USP9X: variants seen among roughly 807,000 people sequenced by gnomAD.
USP9X encodes ubiquitin specific peptidase 9 X-linked.
A neutral mutation model predicts 190.3 loss-of-function variants in USP9X; 7 were observed. The observed-to-expected ratio is 0.04, with a 90% CI of 0.02 to 0.07. The LOEUF (loss-of-function observed/expected upper bound fraction) is 0.07, where lower values mean the gene tolerates loss of function less well. Ranked by LOEUF, USP9X falls within the 10% of genes least tolerant of loss-of-function variation. The pLI is 1.00. For missense variants in USP9X, 1,010 were observed against 1,916.9 expected, an observed-to-expected ratio of 0.53 and a Z score of 8.83; for synonymous variants, 645 against 659.5, an observed-to-expected ratio of 0.98 and a Z score of 0.34.
intron 1 of USP9X, among the ~76,000 whole-genome samples, chrX:41,122,251 C>T (rs758082161): frequency 1.8e-5 from 2 of 111,062 alleles, no homozygotes; most frequent in Non-Finnish European, 3.8e-5. Context: ...TTTGCTGCAT[C>T]TTTACGTGGT....
intron 41 of USP9X, among the ~76,000 whole-genome samples, chrX:41,227,436 T>G (rs1402166129): frequency 8.9e-6 from 1 of 112,185 alleles, no homozygotes; most frequent in African/African-American, 3.2e-5. Context: ...CTGAAATGAT[T>G]AAGCTTTGCA....
chrX:41,159,344 T>G (rs12841056), intron 14 of USP9X, among the ~76,000 whole-genome samples: 1 of 111,193 alleles, frequency 9.0e-6, no homozygotes. Context: ...ATAGTCCTTG[T>G]GGGATTGTAG....
intron 1 of USP9X, among the ~76,000 whole-genome samples, chrX:41,099,855 G>A (rs2062022652): frequency 9.0e-6 from 1 of 111,481 alleles, no homozygotes; most frequent in South Asian, 3.7e-4. Context: ...AAATTAGCTA[G>A]GCTTGGTGGC....
At chrX:41,122,455 CAGG>C (rs1333183547) in intron 1 of USP9X, among the ~76,000 whole-genome samples, 3 of 112,015 alleles carry the variant, frequency 2.7e-5, no homozygotes, top group Non-Finnish European at 3.8e-5. Context: ...GTTACTGAAA[CAGG>C]AGAGTTCCCT....
intron 21 of USP9X, among the ~76,000 whole-genome samples, chrX:41,179,454 A>C (rs1240996310): frequency 9.0e-6 from 1 of 110,941 alleles, no homozygotes; most frequent in Non-Finnish European, 1.9e-5. Flanking sequence ...TTTTGTAGTG[A>C]TCTTTCTCCT....
intron 2 of USP9X, among the ~76,000 whole-genome samples, chrX:41,126,886 C>T (rs935300762): frequency 9.0e-6 from 1 of 110,843 alleles, no homozygotes; most frequent in Non-Finnish European, 1.9e-5. Flanking sequence ...TCAGATTTTT[C>T]ACTTAATTTT....
intron 6 of USP9X, 149 bp downstream of exon 6, chrX:41,137,171 G>A (rs761085177): frequency 3.9e-4 from 205 of 524,004 alleles, no homozygotes; most frequent in Middle Eastern, 8.8e-4. Context: ...TAGCTTTGTC[G>A]TTCTAGTTCT....
intron 33 of USP9X, among the ~76,000 whole-genome samples, chrX:41,211,732 A>G (rs1361497075): frequency 9.1e-4 from 88 of 96,469 alleles, no homozygotes; most frequent in Admixed American, 1.4e-3. Flanking sequence ...CCCCCCGCCC[A>G]GCCAGCTGCC....
intron 4 of USP9X, among the ~76,000 whole-genome samples, chrX:41,132,386 C>T (rs1307636161): frequency 9.6e-6 from 1 of 103,886 alleles, no homozygotes; most frequent in African/African-American, 3.6e-5. Context: ...TCACTGCAAC[C>T]TCCACCTCCC....
At chrX:41,155,669 C>T (rs1188109841) in intron 14 of USP9X, among the ~76,000 whole-genome samples, 1 of 108,200 alleles carries the variant, frequency 9.2e-6, no homozygotes, top group Non-Finnish European at 1.9e-5. Flanking sequence ...TGTTAGGGTG[C>T]AGATCCTGTG....
At position 41,216,767 on chromosome X, in the gene USP9X, G is replaced by A. The variant is rs866261224; in HGVS notation, c.6085+115G>A. 8.8e-6 allele frequency: 8 copies of A among 904,079 alleles called. No individual in the cohort carries two copies. In the Middle Eastern group the frequency reaches 1.1e-3, roughly 128 times the overall value. The allele number at this position is 904,079 out of a possible 1,213,427, so 74.5% of individuals were successfully genotyped here. On this transcript the variant is annotated intron_variant, in intron 35 of 44. Coordinates refer to ENST00000378308, the MANE Select transcript of USP9X (RefSeq NM_001039591.3). ...ACTTTAAATGAGTCTAATTTGCTGG[G>A]TGTGGTGGTTCACGCCTGTAATCCC...
Position 41,217,213 on chromosome X carries a change from T to C in USP9X, c.6086-7T>C. The stretch of plus-strand genomic sequence containing the variant: ...AATGTGTTTTTATATCTGCATTTTA[T>C]TTATAGGGCAAGATCACCTGTTGCC... On this transcript the variant is annotated splice_region_variant and splice_polypyrimidine_tract_variant and intron_variant, in intron 35 of 44. Transcript: ENST00000378308. 2.5e-6 allele frequency: 3 copies of C among 1,192,214 alleles called. No homozygotes were observed. The highest frequency in any genetic ancestry group is 3.4e-6 in the Non-Finnish European group (3 of 888,223).
chrX:41,101,223 G>A (rs1166805720), intron 1 of USP9X, among the ~76,000 whole-genome samples: 1 of 110,488 alleles, frequency 9.1e-6, no homozygotes, highest in Non-Finnish European at 1.9e-5. Flanking sequence ...TTGAGTATTA[G>A]CCCTTCCGGT....
Position 41,186,527 on chromosome X carries a change from T to G in USP9X, c.3569T>G (p.Val1190Gly). 1.7e-6 allele frequency: 2 copies of G among 1,211,363 alleles called. No individual in the cohort carries two copies. Among genetic ancestry groups the G allele is most frequent in the Non-Finnish European group, 1.1e-6 (1 of 895,180 alleles). Residue 1190 changes from valine (V) to glycine (G), a missense_variant, in exon 24 of 45, where the codon GTT becomes GGT. Around this residue, in one of 11 missense-constraint regions of USP9X, gnomAD observed 351 missense variants for 480.8 expected, o/e 0.73. Transcript: ENST00000378308. The stretch of plus-strand genomic sequence containing the variant: ...GTTAACTTTTTTCAGATCAACCAAG[T>G]TACCCATGATCAAGCAGTGGTGCTA... The part of the protein sequence containing the change: ...GVNPMTQINQ[V>G]THDQAVVLQS...
intron 16 of USP9X, among the ~76,000 whole-genome samples, chrX:41,166,982 C>T (rs1433632783): frequency 9.0e-6 from 1 of 111,711 alleles, no homozygotes; most frequent in Non-Finnish European, 1.9e-5. Context: ...TCCCCTTTCC[C>T]CTCCCCAACC....
chrX:41,091,177 T>C (rs890239646), intron 1 of USP9X, among the ~76,000 whole-genome samples: 2 of 97,314 alleles, frequency 2.1e-5, no homozygotes, highest in African/African-American at 7.6e-5. Context: ...TAAAAAAACT[T>C]TGTTATGGTA....
intron 1 of USP9X, among the ~76,000 whole-genome samples, chrX:41,094,872 T>C (rs2061978485): frequency 9.2e-6 from 1 of 108,338 alleles, no homozygotes; most frequent in Admixed American, 9.9e-5. Context: ...GACCCCCGTC[T>C]CTACTAAAAA....
intron 1 of USP9X, among the ~76,000 whole-genome samples, chrX:41,101,048 GTC>G (rs1203660037): frequency 9.0e-6 from 1 of 111,558 alleles, no homozygotes; most frequent in African/African-American, 3.3e-5. Flanking sequence ...TAATAATAGT[GTC>G]TCTATAATTA....
intron 36 of USP9X, 31 bp downstream of exon 36, chrX:41,217,374 T>C (rs188683765): frequency 2.0e-5 from 23 of 1,168,842 alleles, no homozygotes; most frequent in Middle Eastern, 2.4e-4. Context: ...ATTCCTATTA[T>C]ACTAATGTTT....
Sources: gnomAD v4.1 joint callset for allele counts (sites outside exome capture counted in the v4.1 genomes callset) on GRCh38, gnomAD v4.1.1 for gene constraint, gnomAD v4.1.1 regional missense constraint, MANE v1.5 for transcripts, NCBI Gene and HGNC (gene_info 2026-07-23, HGNC 2026-07-21) for gene names.